Variants in SPAG16 observed in about 807,000 individuals in gnomAD.
SPAG16 encodes the protein sperm associated antigen 16, also known as sperm-associated antigen 16 protein.
In SPAG16, 86 loss-of-function variants were observed where a neutral mutation model predicts 80.4. The observed-to-expected ratio is 1.07, with a 90% CI of 0.90 to 1.28. The LOEUF is 1.28. Ranked by LOEUF, SPAG16 falls within the 50% of genes most tolerant of loss-of-function variation. SPAG16 has a pLI of 0.00. For synonymous variants in SPAG16, 294 were observed against 265.9 expected, an observed-to-expected ratio of 1.11 and a Z score of -1.03; for missense variants, 870 against 765.3, an observed-to-expected ratio of 1.14 and a Z score of -1.61.
intron 10 of SPAG16, among the ~76,000 whole-genome samples, chr2:213,508,458 G>A (rs1171581485): frequency 2.0e-5 from 3 of 152,290 alleles, no homozygotes; most frequent in Admixed American, 2.0e-4. Flanking sequence ...TGTAGTCCCA[G>A]CTACTGGGGA....
intron 13 of SPAG16, among the ~76,000 whole-genome samples, chr2:214,049,743 C>T (rs1205386696): frequency 2.6e-5 from 4 of 152,192 alleles, no homozygotes; most frequent in Non-Finnish European, 5.9e-5. Flanking sequence ...TTGGACGCAG[C>T]CCTGGGGACT....
intron 9 of SPAG16, among the ~76,000 whole-genome samples, chr2:213,468,649 TCTC>T (rs2072888170): frequency 6.8e-6 from 1 of 146,806 alleles, no homozygotes; most frequent in African/African-American, 2.5e-5. Context: ...ATCTCCTATA[TCTC>T]CTATTGTGTG....
intron 8 of SPAG16, among the ~76,000 whole-genome samples, chr2:213,369,124 T>C (rs952734019): frequency 6.6e-6 from 1 of 152,190 alleles, no homozygotes; most frequent in Non-Finnish European, 1.5e-5. Context: ...AATAAAAATA[T>C]CCTTTAAAAT....
intron 15 of SPAG16, among the ~76,000 whole-genome samples, chr2:214,177,763 A>T (rs1021522851): frequency 6.7e-6 from 1 of 149,760 alleles, no homozygotes; most frequent in Admixed American, 6.7e-5. Flanking sequence ...GTATCAAATT[A>T]ACCTAACAAA....
intron 13 of SPAG16, among the ~76,000 whole-genome samples, chr2:214,062,494 A>G (rs2050321900): frequency 6.6e-6 from 1 of 151,358 alleles, no homozygotes; most frequent in African/African-American, 2.4e-5. Flanking sequence ...CACATCCCCA[A>G]ACATGCATTT....
intron 15 of SPAG16, among the ~76,000 whole-genome samples, chr2:214,340,874 T>C (rs1697636543): frequency 6.6e-6 from 1 of 152,136 alleles, no homozygotes; most frequent in Non-Finnish European, 1.5e-5. Flanking sequence ...GGCAACCAGA[T>C]AAAATCAACC....
intron 8 of SPAG16, among the ~76,000 whole-genome samples, chr2:213,374,329 A>G (rs1205680970): frequency 2.0e-5 from 3 of 152,150 alleles, no homozygotes; most frequent in Non-Finnish European, 2.9e-5. Context: ...TATAATTTGT[A>G]ACGTTTAGTT....
At chr2:214,301,873 T>C (rs1694576243) in intron 15 of SPAG16, among the ~76,000 whole-genome samples, 1 of 152,170 alleles carries the variant, frequency 6.6e-6, no homozygotes, top group Admixed American at 6.5e-5. Context: ...CATTAGGTCA[T>C]CAACTTGAGA....
At chr2:214,170,477 T>C (rs960197513) in intron 15 of SPAG16, among the ~76,000 whole-genome samples, 3 of 152,048 alleles carry the variant, frequency 2.0e-5, no homozygotes, top group Non-Finnish European at 4.4e-5. Flanking sequence ...AAAGCATCCC[T>C]TGAAGTTCAA....
intron 9 of SPAG16, among the ~76,000 whole-genome samples, chr2:213,487,326 A>G (rs1559181849): frequency 2.0e-5 from 3 of 152,162 alleles, no homozygotes; most frequent in African/African-American, 4.8e-5. Flanking sequence ...TTTGCCTTCC[A>G]ATTGTATCTT....
chr2:213,321,217 A>G (rs1453658579), intron 5 of SPAG16, among the ~76,000 whole-genome samples: 1 of 152,100 alleles, frequency 6.6e-6, no homozygotes, highest in African/African-American at 2.4e-5. Context: ...GCATTTAGTG[A>G]TGTATCTAGG....
intron 6 of SPAG16, among the ~76,000 whole-genome samples, chr2:213,350,291 A>G (rs1241171199): frequency 6.6e-6 from 1 of 152,228 alleles, no homozygotes; most frequent in East Asian, 1.9e-4. Flanking sequence ...AGGTGCTAGT[A>G]GGAAATAGAG....
At chr2:213,460,708 G>A (rs577408885) in intron 9 of SPAG16, among the ~76,000 whole-genome samples, 5 of 152,196 alleles carry the variant, frequency 3.3e-5, no homozygotes, top group African/African-American at 1.2e-4. Flanking sequence ...TCTTTGAAAG[G>A]TATTACTAAA....
intron 10 of SPAG16, among the ~76,000 whole-genome samples, chr2:213,614,448 C>G (rs528816188): frequency 1.3e-5 from 2 of 152,284 alleles, no homozygotes; most frequent in East Asian, 3.9e-4. Flanking sequence ...ATGCAATTTA[C>G]TTTAAATTCT....
chr2:213,490,001 C>G lies in SPAG16; in HGVS notation c.981C>G (p.Asn327Lys), dbSNP rs751481908. The G allele has an allele frequency of 1.5e-5, 24 of 1,609,524 alleles. No individual in the cohort carries two copies. The South Asian group carries it at 2.2e-4, about 15-fold the overall frequency. ...CCATAGATATGCAACCAAATCCAAA[C>G]CTGAATGTTTCTAAAGAAAGTCTTT... ...EFPIDMQPNP[N>K]LNVSKESLSP... The change falls in exon 10 of 16, where the codon AAC becomes AAG. Residue 327 changes from asparagine to lysine, a missense_variant. Physicochemically the swap from Asn to Lys is moderately conservative, Grantham distance 94. Coordinates refer to ENST00000331683, the MANE Select transcript of SPAG16 (RefSeq NM_024532.5).
chr2:214,356,638 C>G (rs533621066), intron 15 of SPAG16, among the ~76,000 whole-genome samples: 1 of 151,876 alleles, frequency 6.6e-6, no homozygotes, highest in Non-Finnish European at 1.5e-5. Flanking sequence ...AGCAGTTACT[C>G]TAGAAATTTC....
At chr2:213,925,868 T>A (rs2078448802) in intron 11 of SPAG16, among the ~76,000 whole-genome samples, 1 of 152,188 alleles carries the variant, frequency 6.6e-6, no homozygotes, top group Non-Finnish European at 1.5e-5. Context: ...TATAAATAAA[T>A]AACCTTATTT....
intron 10 of SPAG16, among the ~76,000 whole-genome samples, chr2:213,715,974 G>A (rs2066223271): frequency 6.6e-6 from 1 of 152,082 alleles, no homozygotes; most frequent in African/African-American, 2.4e-5. Flanking sequence ...CTAGTAGGAA[G>A]TGATAAAACT....
intron 10 of SPAG16, among the ~76,000 whole-genome samples, chr2:213,548,090 A>G (rs2076670581): frequency 6.6e-6 from 1 of 152,212 alleles, no homozygotes; most frequent in Admixed American, 6.5e-5. Context: ...GAATTACTGA[A>G]TGCAAGGGTC....
Sources: allele counts gnomAD v4.1 joint callset (sites outside exome capture counted in the v4.1 genomes callset), GRCh38; gene constraint gnomAD v4.1.1; transcripts MANE v1.5; gene names NCBI Gene and HGNC (gene_info 2026-07-23, HGNC 2026-07-21).